Variants in PRKD1 observed in about 807,000 individuals in gnomAD.
PRKD1 encodes the protein protein kinase D1, also known as serine/threonine-protein kinase D1.
In PRKD1, 63 loss-of-function variants were observed where a neutral mutation model predicts 95.9. The observed-to-expected ratio is 0.66, with a 90% CI of 0.54 to 0.81. The LOEUF is 0.81. Among genes scored for constraint, PRKD1 ranks in the 30% least tolerant of loss-of-function variants. The probability of loss-of-function intolerance (pLI) is 0.00; values close to 1 mark genes in which losing one functional copy is unlikely to be tolerated. For synonymous variants in PRKD1, 425 were observed against 423.1 expected (o/e 1.00, Z -0.05); for missense variants, 1,048 against 1,165.3 (o/e 0.90, Z 1.47).
chr14:29,720,495 G>A (rs1299974839), intron 2 of PRKD1, among the ~76,000 whole-genome samples: 2 of 151,908 alleles, frequency 1.3e-5, no homozygotes, highest in Non-Finnish European at 2.9e-5. Flanking sequence ...AAATCCTGAA[G>A]CCCAAGCCGA....
Position 29,618,518 on chromosome 14 carries a change from C to T in PRKD1, c.1905+5634G>A, listed in dbSNP as rs533816434. Among the ~76,000 whole-genome samples, 368 of 152,250 alleles carry T rather than the reference C, an allele frequency of 2.4e-3. 1 individual carries two copies. Among genetic ancestry groups the T allele is most frequent in the Middle Eastern group, 6.8e-3 (2 of 294 alleles). ...TGATCCGGCTGCCTCAGCCACACAA[C>T]GTGCTGGGATTCCAGGCATGAGCCA... On this transcript the variant is annotated intron_variant, in intron 13 of 17. Coordinates refer to ENST00000331968, the MANE Select transcript of PRKD1 (RefSeq NM_002742.3).
chr14:29,657,400 A>AT (rs1460845919), intron 4 of PRKD1: 4 of 152,106 alleles, frequency 2.6e-5, no homozygotes, highest in South Asian at 4.1e-4. Flanking sequence ...TTGAAATGTG[A>AT]TTTTTTTGCA....
At chr14:29,624,397 T>A in intron 12 of PRKD1, 139 bp from the exon 13 acceptor site, 1 of 445,506 alleles carries the variant, frequency 2.2e-6, no homozygotes, top group Non-Finnish European at 3.9e-6. Context: ...AGCACTGACT[T>A]ACATATATAT....
At chr14:29,834,494 T>C (rs1472245730) in intron 1 of PRKD1, among the ~76,000 whole-genome samples, 3 of 152,122 alleles carry the variant, frequency 2.0e-5, no homozygotes, top group African/African-American at 7.2e-5. Flanking sequence ...ATTCTGGGTT[T>C]AGCTAGCCCT....
Position 29,597,774 on chromosome 14 carries a change from T to G in PRKD1, c.2167-16A>C, listed in dbSNP as rs746609815. The G allele has an allele frequency of 6.2e-7, 1 of 1,601,504 alleles. No individual in the cohort carries two copies. Reference sequence around the variant, plus strand: ...AAAGTTTCACCTGTTGATGAAAGGATTTGCAGAAATACTCCGTTCACAATT... The same window carrying G: ...AAAGTTTCACCTGTTGATGAAAGGAGTTGCAGAAATACTCCGTTCACAATT... On this transcript the variant is annotated splice_polypyrimidine_tract_variant and intron_variant, in intron 15 of 17. Coordinates refer to ENST00000331968, the MANE Select transcript of PRKD1 (RefSeq NM_002742.3).
intron 2 of PRKD1, among the ~76,000 whole-genome samples, chr14:29,683,340 G>A (rs1487217555): frequency 6.6e-6 from 1 of 152,196 alleles, no homozygotes; most frequent in Admixed American, 6.5e-5. Context: ...TACCACTAAT[G>A]ATGAGAAATC....
chr14:29,583,774 C>T (rs1258430578), intron 16 of PRKD1, among the ~76,000 whole-genome samples: 1 of 152,022 alleles, frequency 6.6e-6, no homozygotes, highest in African/African-American at 2.4e-5. Flanking sequence ...GAGTTTTGTG[C>T]TTTATAAAAT....
intron 16 of PRKD1, among the ~76,000 whole-genome samples, chr14:29,583,776 T>G (rs1462343208): frequency 6.6e-6 from 1 of 152,170 alleles, no homozygotes; most frequent in Non-Finnish European, 1.5e-5. Context: ...GTTTTGTGCT[T>G]TATAAAATGT....
intron 4 of PRKD1, among the ~76,000 whole-genome samples, chr14:29,648,076 T>A (rs1409773212): frequency 6.6e-6 from 1 of 152,190 alleles, no homozygotes; most frequent in Non-Finnish European, 1.5e-5. Flanking sequence ...CCTTACAAAA[T>A]ATGTGGGAAA....
chr14:29,612,068 A>G (rs947771382), intron 13 of PRKD1, among the ~76,000 whole-genome samples: 1 of 152,160 alleles, frequency 6.6e-6, no homozygotes, highest in African/African-American at 2.4e-5. Flanking sequence ...CAGACACATA[A>G]TCCTTCGGAT....
chr14:29,840,734 G>A (rs960350431), intron 1 of PRKD1, among the ~76,000 whole-genome samples: 2 of 152,186 alleles, frequency 1.3e-5, no homozygotes, highest in African/African-American at 4.8e-5. Flanking sequence ...AGCAGGCAAA[G>A]AAAGAGAGCT....
chr14:29,927,231 A>T lies in PRKD1; in HGVS notation c.264+18T>A. Reference sequence around the variant, plus strand: ...CGCCGCGGGGAGGCGCCGGGCTGGCAGCGGTGCGGCGACTTACCTTCTGGT... The same window carrying T: ...CGCCGCGGGGAGGCGCCGGGCTGGCTGCGGTGCGGCGACTTACCTTCTGGT... On this transcript the variant is annotated intron_variant, in intron 1 of 17. Coordinates refer to ENST00000331968, the MANE Select transcript of PRKD1 (RefSeq NM_002742.3). 6.8e-7 allele frequency: 1 copy of T among 1,479,754 alleles called. No individual in the cohort carries two copies. The highest frequency in any genetic ancestry group is 9.0e-7 in the Non-Finnish European group (1 of 1,114,266). The allele number at this position is 1,479,754 out of a possible 1,614,324, so 91.7% of individuals were successfully genotyped here.
chr14:29,797,182 AC>A (rs1889854379), intron 1 of PRKD1, among the ~76,000 whole-genome samples: 1 of 152,228 alleles, frequency 6.6e-6, no homozygotes, highest in Non-Finnish European at 1.5e-5. Flanking sequence ...CTAAATGATA[AC>A]TGGGGTAAAG....
At chr14:29,589,540 T>C (rs918511812) in intron 16 of PRKD1, among the ~76,000 whole-genome samples, 5 of 152,300 alleles carry the variant, frequency 3.3e-5, no homozygotes, top group African/African-American at 1.2e-4. Flanking sequence ...TAAGATTGCA[T>C]CTTCAACTGC....
rs1895355611 is a variant in PRKD1, at chr14:29,927,540, C to A, written c.-28G>T. ...CTCGGCGGGGCGCAGGGCCGGGCAG[C>A]GGAGGGCGGGGGCTGGCGGCGCGGC... On this transcript the variant is annotated 5_prime_UTR_variant, in exon 1 of 18. Coordinates refer to ENST00000331968, the MANE Select transcript of PRKD1 (RefSeq NM_002742.3). 1 of 1,149,080 alleles carries A rather than the reference C, an allele frequency of 8.7e-7. No homozygotes were observed. The highest frequency in any genetic ancestry group is 1.1e-6 in the Non-Finnish European group (1 of 935,662). 71.2% of individuals were successfully genotyped at this position (1,149,080 alleles called of 1,614,324 possible). A position where few individuals can be genotyped will look rare whatever the true frequency, so the allele number is the denominator to read the frequency against.
intron 1 of PRKD1, among the ~76,000 whole-genome samples, chr14:29,867,377 G>T (rs1892947225): frequency 6.6e-6 from 1 of 152,196 alleles, no homozygotes; most frequent in South Asian, 2.1e-4. Flanking sequence ...ACTTTGAAAA[G>T]AACAGGGAAT....
In PRKD1 at chr14:29,755,512, A is replaced by G. The variant is rs540140722; in HGVS notation, c.265-29838T>C. Among the ~76,000 whole-genome samples the G allele has an allele frequency of 4.7e-4, 72 of 151,888 alleles. 1 individual carries two copies. In the South Asian group the frequency reaches 0.015, roughly 31 times the overall value. On this transcript the variant is annotated intron_variant, in intron 1 of 17. Coordinates refer to ENST00000331968, the MANE Select transcript of PRKD1 (RefSeq NM_002742.3). ...AAACCCCGGCGACACAGAGTGCCGG[A>G]AAAAAAACAAACTTACCCCTGGTTG...
chr14:29,870,589 C>T (rs1893068745), intron 1 of PRKD1, among the ~76,000 whole-genome samples: 1 of 152,216 alleles, frequency 6.6e-6, no homozygotes, highest in Admixed American at 6.5e-5. Flanking sequence ...TGCAACTGAA[C>T]TACACCTTGT....
At chr14:29,916,813 T>C (rs1399164464) in intron 1 of PRKD1, among the ~76,000 whole-genome samples, 1 of 152,106 alleles carries the variant, frequency 6.6e-6, no homozygotes. Context: ...ACCCTAATAA[T>C]CTCTTTTTCC....
Sources: allele counts gnomAD v4.1 joint callset (sites outside exome capture counted in the v4.1 genomes callset), GRCh38; gene constraint gnomAD v4.1.1; transcripts MANE v1.5; gene names NCBI Gene and HGNC (gene_info 2026-07-23, HGNC 2026-07-21).